The following FNDC1 variants were observed in gnomAD, a reference collection of about 807,000 sequenced individuals.
FNDC1 encodes fibronectin type III domain-containing protein 1.
FNDC1 carries 96 observed loss-of-function variants against 168.0 expected under a neutral mutation model. That is an observed-to-expected ratio of 0.57 (90% confidence interval 0.48 to 0.68). FNDC1 has a LOEUF of 0.68. Among genes scored for constraint, FNDC1 ranks in the 30% least tolerant of loss-of-function variants. The pLI, the probability that FNDC1 is intolerant of heterozygous loss-of-function variation, is 0.00. For synonymous variants in FNDC1, 1,099 were observed against 1,025.9 expected (o/e 1.07, Z -1.36); for missense variants, 2,587 against 2,482.1 (o/e 1.04, Z -0.90).
chr6:159,238,784 C>A lies in FNDC1; in HGVS notation c.4180+119C>A, dbSNP rs1783328101. The A allele has an allele frequency of 5.8e-6, 4 of 687,148 alleles. No homozygotes were observed. The South Asian group carries it at 8.2e-5, about 14-fold the overall frequency. The allele number at this position is 687,148 out of a possible 1,614,324, so 42.6% of individuals were successfully genotyped here. ...TGGTCATGGGTTAGTTACTTTTACC[C>A]ATGTGAGAAGAAGAGCCTCAAAAGA... On this transcript the variant is annotated intron_variant, in intron 13 of 22. Coordinates refer to ENST00000297267, the MANE Select transcript of FNDC1 (RefSeq NM_032532.3).
chr6:159,192,013 G>T (rs1019781134), intron 1 of FNDC1, among the ~76,000 whole-genome samples: 82 of 152,186 alleles, frequency 5.4e-4, no homozygotes, highest in African/African-American at 1.9e-3. Context: ...GGGACTACAG[G>T]TGCACGACAC....
intron 2 of FNDC1, 104 bp downstream of exon 2, chr6:159,197,729 G>T: frequency 6.0e-6 from 6 of 1,001,460 alleles, no homozygotes; most frequent in Non-Finnish European, 8.6e-6. Context: ...CTGGGCTCAA[G>T]GTCCCTTACG....
At chr6:159,195,621 AAT>A (rs1782226832) in intron 1 of FNDC1, among the ~76,000 whole-genome samples, 1 of 152,154 alleles carries the variant, frequency 6.6e-6, no homozygotes, top group African/African-American at 2.4e-5. Flanking sequence ...TCAGCACAGA[AAT>A]TATTCTGTGC....
intron 1 of FNDC1, among the ~76,000 whole-genome samples, chr6:159,175,460 C>T (rs1781742793): frequency 6.6e-6 from 1 of 152,212 alleles, no homozygotes. Context: ...TCCTTGTTTT[C>T]TTCTCTAGGC....
At chr6:159,171,530 C>A (rs2114910953) in intron 1 of FNDC1, among the ~76,000 whole-genome samples, 1 of 152,274 alleles carries the variant, frequency 6.6e-6, no homozygotes, top group Admixed American at 6.5e-5. Context: ...CCTTTTGGGG[C>A]CAGAATCTCT....
At chr6:159,178,548 G>A (rs976424526) in intron 1 of FNDC1, among the ~76,000 whole-genome samples, 1 of 151,990 alleles carries the variant, frequency 6.6e-6, no homozygotes, top group African/African-American at 2.4e-5. Flanking sequence ...GCTACCTAAT[G>A]TAGCCATATT....
In FNDC1 at chr6:159,233,587, T is replaced by C. The variant is rs554092665; in HGVS notation, c.3075T>C (p.Gly1025=). ...CGGGACCCCAGAGCAGAGACGCGGG[T>C]CGGTCACCTTCCCAGCCCAGGCTCT... ...HHPGPQSRDA[G]RSPSQPRLSL... is the part of the protein sequence containing the mutation. Residue 1025 remains glycine (G), a synonymous_variant, in exon 11 of 23, where the codon GGT becomes GGC. Transcript: ENST00000297267. This position sits in a 1 kb window ranked among gnomAD's most constrained non-coding sequence, Gnocchi z 4.6. The C allele has an allele frequency of 1.9e-6, 3 of 1,581,078 alleles. No homozygotes were observed. The East Asian group carries it at 6.9e-5, about 37-fold the overall frequency.
Position 159,234,150 on chromosome 6 carries a change from A to C in FNDC1, c.3638A>C (p.Lys1213Thr). ...WPSSSTPRGG[K>T]DADGSLAKEE... The stretch of plus-strand genomic sequence containing the variant: ...TCTTCCTCCACTCCCAGGGGCGGCA[A>C]AGACGCCGATGGGAGCCTCGCCAAG... Residue 1213 changes from lysine to threonine, a missense_variant, in exon 11 of 23, where the codon AAA becomes ACA. Lys to Thr is a moderately conservative substitution (Grantham distance 78). Transcript: ENST00000297267. 1 of 1,600,114 alleles carries C rather than the reference A, an allele frequency of 6.2e-7. No homozygotes were observed. Among genetic ancestry groups the C allele is most frequent in the Non-Finnish European group, 8.5e-7 (1 of 1,173,584 alleles).
intron 14 of FNDC1, among the ~76,000 whole-genome samples, chr6:159,242,829 T>A (rs1419539558): frequency 6.6e-6 from 1 of 152,246 alleles, no homozygotes; most frequent in Non-Finnish European, 1.5e-5. Context: ...TCACTTAGCA[T>A]AATTGTTTTC....
intron 4 of FNDC1, among the ~76,000 whole-genome samples, chr6:159,212,493 T>C (rs1782626348): frequency 6.6e-6 from 1 of 152,144 alleles, no homozygotes; most frequent in South Asian, 2.1e-4. Flanking sequence ...ATGGTATATA[T>C]AACCAGAGTA....
intron 18 of FNDC1, among the ~76,000 whole-genome samples, chr6:159,259,572 C>T (rs1247142700): frequency 6.6e-6 from 1 of 152,150 alleles, no homozygotes; most frequent in Non-Finnish European, 1.5e-5. Flanking sequence ...AGTATGCATC[C>T]TTCCTTATGT....
Position 159,233,206 on chromosome 6 carries a change from C to T in FNDC1, c.2694C>T (p.Ser898=), listed in dbSNP as rs760168453. ...TVVNDHVPSS[S]RQPISRGWED... ...TCAATGACCACGTGCCTTCCTCCTCCAGGCAGCCCATCTCCCGGGGCTGGG... is the reference window on the plus strand; with the variant it reads ...TCAATGACCACGTGCCTTCCTCCTCTAGGCAGCCCATCTCCCGGGGCTGGG... The change falls in exon 11 of 23, where the codon TCC becomes TCT. Residue 898 remains serine (S), a synonymous_variant. Transcript: ENST00000297267. This position sits in a 1 kb window ranked among gnomAD's most constrained non-coding sequence, Gnocchi z 4.6. 3.7e-6 allele frequency: 6 copies of T among 1,613,146 alleles called. No individual in the cohort carries two copies. Among genetic ancestry groups the T allele is most frequent in the Non-Finnish European group, 5.1e-6 (6 of 1,179,590 alleles).
At chr6:159,228,010 A>G (rs1782990088) in intron 9 of FNDC1, among the ~76,000 whole-genome samples, 2 of 149,272 alleles carry the variant, frequency 1.3e-5, no homozygotes, top group South Asian at 4.2e-4. Flanking sequence ...TGCTGCCGAG[A>G]AGACCTCTGA....
In FNDC1 at chr6:159,232,359, C is replaced by T; in HGVS notation, c.1847C>T (p.Ala616Val). The change falls in exon 11 of 23, where the codon GCT becomes GTT. Residue 616 changes from alanine to valine, a missense_variant. Coordinates refer to ENST00000297267, the MANE Select transcript of FNDC1 (RefSeq NM_032532.3). This position sits in a 1 kb window ranked among gnomAD's most constrained non-coding sequence, Gnocchi z 4.9. Reference protein sequence around the residue: ...TQPRPGAPPSASASPAHHAST... With the variant: ...TQPRPGAPPSVSASPAHHAST... The stretch of plus-strand genomic sequence containing the variant: ...CCCCGCCCAGGGGCGCCCCCCTCGG[C>T]TTCGGCCTCTCCTGCCCACCACGCG... 1 of 1,613,632 alleles carries T rather than the reference C, an allele frequency of 6.2e-7. No individual in the cohort carries two copies. The highest frequency in any genetic ancestry group is 8.5e-7 in the Non-Finnish European group (1 of 1,179,730).
chr6:159,267,313 T>C (rs1429358574), intron 21 of FNDC1, among the ~76,000 whole-genome samples: 1 of 152,170 alleles, frequency 6.6e-6, no homozygotes, highest in East Asian at 1.9e-4. Flanking sequence ...CCATGTGTCA[T>C]ATCCCAGAAT....
intron 1 of FNDC1, among the ~76,000 whole-genome samples, chr6:159,178,745 T>C (rs1781819368): frequency 6.6e-6 from 1 of 151,850 alleles, no homozygotes; most frequent in Admixed American, 6.6e-5. Context: ...CAAGTGTTTT[T>C]CTTTTTTTTT....
chr6:159,236,229 C>A lies in FNDC1; in HGVS notation c.3982C>A (p.Pro1328Thr). The change falls in exon 12 of 23, where the codon CCA (proline) becomes ACA (threonine). Residue 1328 changes from proline (P) to threonine (T), a missense_variant. Physicochemically the swap from Pro to Thr is conservative, Grantham distance 38. Coordinates refer to ENST00000297267, the MANE Select transcript of FNDC1 (RefSeq NM_032532.3). ...GTACTGTGTAGGTTATAATGGCAGA[C>A]CAAATGTAGAAGGGAAAGTCCTTCC... ...PSYRQGYNGR[P>T]NVEGKVLPGS... The A allele has an allele frequency of 6.2e-7, 1 of 1,613,072 alleles. No individual in the cohort carries two copies. Among genetic ancestry groups the A allele is most frequent in the Non-Finnish European group, 8.5e-7 (1 of 1,179,294 alleles).
intron 16 of FNDC1, among the ~76,000 whole-genome samples, chr6:159,250,604 T>C (rs294902): frequency 0.87 from 132,890 of 152,234 alleles, 58,051 homozygotes; most frequent in East Asian, 0.99. Context: ...GCATAGTGGG[T>C]ACTCTCAGCG....
In FNDC1 at chr6:159,241,483, C is replaced by T. The variant is rs1783419417; in HGVS notation, c.4621+1526C>T. Among the ~76,000 whole-genome samples the T allele has an allele frequency of 2.6e-5, 4 of 152,152 alleles. No individual in the cohort carries two copies. The South Asian group carries it at 8.3e-4, about 32-fold the overall frequency. On this transcript the variant is annotated intron_variant, in intron 14 of 22. Coordinates refer to ENST00000297267, the MANE Select transcript of FNDC1 (RefSeq NM_032532.3). ...GCAAATCATAACATATATATGTTCA[C>T]TCCTGTCCAGTCTCCTGATTCCCTA...
Sources: allele counts gnomAD v4.1 joint callset (sites outside exome capture counted in the v4.1 genomes callset), GRCh38; gene constraint gnomAD v4.1.1; non-coding constraint Gnocchi (gnomAD v3.1); transcripts MANE v1.5; gene names NCBI Gene and HGNC (gene_info 2026-07-23, HGNC 2026-07-21).